The following CDYL2 variants were observed in gnomAD, a reference collection of about 807,000 sequenced individuals.
CDYL2 encodes chromodomain Y-like protein 2.
Under a neutral mutation model 49.4 loss-of-function variants are expected in CDYL2, and 23 were observed. The ratio of observed to expected loss-of-function variants is 0.47; its 90% CI spans 0.34 to 0.66. The LOEUF (loss-of-function observed/expected upper bound fraction) is 0.66, where lower values mean the gene tolerates loss of function less well. Ranked by LOEUF, CDYL2 falls within the 30% of genes least tolerant of loss-of-function variation. The pLI is 0.01. For missense variants in CDYL2, 678 were observed against 656.4 expected (o/e 1.03, Z -0.36); for synonymous variants, 360 against 268.8 (o/e 1.34, Z -3.32).
intron 1 of CDYL2, among the ~76,000 whole-genome samples, chr16:80,758,153 T>C (rs904413711): frequency 6.6e-6 from 1 of 152,188 alleles, no homozygotes; most frequent in Non-Finnish European, 1.5e-5. Context: ...AGATTTCATA[T>C]AAATGGGAAG....
chr16:80,631,510 T>G (rs1319691544), intron 3 of CDYL2, among the ~76,000 whole-genome samples: 3 of 152,234 alleles, frequency 2.0e-5, no homozygotes, highest in Non-Finnish European at 4.4e-5. Context: ...GACATAAGCA[T>G]GATTAATATT....
chr16:80,684,237 G>A (rs1910083907), intron 2 of CDYL2, among the ~76,000 whole-genome samples: 1 of 152,186 alleles, frequency 6.6e-6, no homozygotes, highest in Non-Finnish European at 1.5e-5. Context: ...CAGGGAAGTG[G>A]GTCTAGAGGG....
chr16:80,787,523 C>G (rs1166787117), intron 1 of CDYL2, among the ~76,000 whole-genome samples: 1 of 152,186 alleles, frequency 6.6e-6, no homozygotes, highest in Non-Finnish European at 1.5e-5. Context: ...TGGTTAAAAT[C>G]AACAGAAGTG....
intron 1 of CDYL2, among the ~76,000 whole-genome samples, chr16:80,705,494 C>A (rs1442414285): frequency 6.6e-6 from 1 of 152,246 alleles, no homozygotes; most frequent in East Asian, 1.9e-4. Flanking sequence ...AAGCTTTAGC[C>A]CAGCTGTAGA....
chr16:80,715,697 A>G (rs1409452782), intron 1 of CDYL2, among the ~76,000 whole-genome samples: 1 of 152,080 alleles, frequency 6.6e-6, no homozygotes, highest in Non-Finnish European at 1.5e-5. Flanking sequence ...AAATGAGAAC[A>G]TGTAAAACCC....
At chr16:80,759,571 G>C (rs1906457569) in intron 1 of CDYL2, among the ~76,000 whole-genome samples, 1 of 152,152 alleles carries the variant, frequency 6.6e-6, no homozygotes, top group Admixed American at 6.5e-5. Context: ...ATGGTTATGA[G>C]TGCATCGATC....
At chr16:80,735,354 G>C (rs1465168521) in intron 1 of CDYL2, among the ~76,000 whole-genome samples, 2 of 152,230 alleles carry the variant, frequency 1.3e-5, no homozygotes, top group Non-Finnish European at 2.9e-5. Context: ...TACAGTCTGA[G>C]TGACATCCTT....
At chr16:80,636,836 A>T (rs1907850802) in intron 2 of CDYL2, among the ~76,000 whole-genome samples, 1 of 152,236 alleles carries the variant, frequency 6.6e-6, no homozygotes, top group African/African-American at 2.4e-5. Flanking sequence ...GGATTAAGAA[A>T]ATGTGGCACA....
At chr16:80,754,327 T>C (rs1906235548) in intron 1 of CDYL2, among the ~76,000 whole-genome samples, 2 of 152,128 alleles carry the variant, frequency 1.3e-5, no homozygotes, top group African/African-American at 2.4e-5. Context: ...CCAGAATATA[T>C]GGCTTTCTGG....
At chr16:80,799,324 C>G (rs1907856870) in intron 1 of CDYL2, among the ~76,000 whole-genome samples, 1 of 152,096 alleles carries the variant, frequency 6.6e-6, no homozygotes, top group Non-Finnish European at 1.5e-5. Context: ...TCAAGCAACT[C>G]CTAGAGAACA....
intron 2 of CDYL2, among the ~76,000 whole-genome samples, chr16:80,678,007 G>C (rs1909824141): frequency 1.3e-5 from 2 of 151,716 alleles, no homozygotes; most frequent in Non-Finnish European, 1.5e-5. Context: ...ACAAGAAATG[G>C]GGAAAGGATT....
At chr16:80,720,876 T>C (rs982135309) in intron 1 of CDYL2, among the ~76,000 whole-genome samples, 3 of 152,214 alleles carry the variant, frequency 2.0e-5, no homozygotes, top group Non-Finnish European at 4.4e-5. Context: ...CATGTGTGGT[T>C]GCTGAAAGGC....
At chr16:80,629,443 A>G (rs9922776) in intron 3 of CDYL2, among the ~76,000 whole-genome samples, 11,385 of 152,164 alleles carry the variant, frequency 0.075, 1,311 homozygotes, top group African/African-American at 0.25. Flanking sequence ...CGGTGTGAAA[A>G]GGGACTCCTG....
intron 3 of CDYL2, among the ~76,000 whole-genome samples, chr16:80,627,029 G>A (rs1008161742): frequency 6.6e-6 from 1 of 152,088 alleles, no homozygotes. Context: ...ACTTTATACT[G>A]TTGGATGATT....
chr16:80,694,892 A>G (rs1910559278), intron 1 of CDYL2, among the ~76,000 whole-genome samples: 1 of 152,232 alleles, frequency 6.6e-6, no homozygotes, highest in Non-Finnish European at 1.5e-5. Flanking sequence ...ACCCACAATG[A>G]CGGGAATATA....
intron 1 of CDYL2, among the ~76,000 whole-genome samples, chr16:80,689,604 G>A (rs1210602156): frequency 6.6e-6 from 1 of 152,178 alleles, no homozygotes; most frequent in Non-Finnish European, 1.5e-5. Context: ...ACAGGGCAGG[G>A]CCAAGCAAAG....
intron 1 of CDYL2, among the ~76,000 whole-genome samples, chr16:80,757,724 C>A (rs933563079): frequency 1.3e-5 from 2 of 151,410 alleles, no homozygotes; most frequent in Non-Finnish European, 2.9e-5. Context: ...TTGAACAGAA[C>A]AAAATACCTA....
intron 3 of CDYL2, among the ~76,000 whole-genome samples, chr16:80,629,048 C>T (rs965175883): frequency 1.3e-5 from 2 of 152,102 alleles, no homozygotes; most frequent in Non-Finnish European, 2.9e-5. Context: ...AACCAGGTGA[C>T]TGAGGTACAG....
intron 3 of CDYL2, among the ~76,000 whole-genome samples, chr16:80,630,662 C>T (rs1457064188): frequency 6.6e-6 from 1 of 152,012 alleles, no homozygotes; most frequent in African/African-American, 2.4e-5. Context: ...TGGAGAGGCC[C>T]CCAAAACACC....
Sources: allele counts gnomAD v4.1 joint callset (sites outside exome capture counted in the v4.1 genomes callset), GRCh38; gene constraint gnomAD v4.1.1; transcripts MANE v1.5; gene names NCBI Gene and HGNC (gene_info 2026-07-23, HGNC 2026-07-21).